The following DNM1 variants were observed in gnomAD, a reference collection of about 807,000 sequenced individuals.
DNM1 encodes the protein dynamin 1.
In DNM1, 29 loss-of-function variants were observed where a neutral mutation model predicts 104.6. The ratio of observed to expected loss-of-function variants is 0.28; its 90% CI spans 0.21 to 0.38. The LOEUF is 0.38. Among genes scored for constraint, DNM1 ranks in the 10% least tolerant of loss-of-function variants. The pLI, the probability that DNM1 is intolerant of heterozygous loss-of-function variation, is 1.00. For synonymous variants in DNM1, 445 were observed against 475.8 expected (o/e 0.94, Z 0.84); for missense variants, 640 against 1,189.4 (o/e 0.54, Z 6.79).
chr9:128,226,653 C>G (rs1374602829), intron 10 of DNM1, among the ~76,000 whole-genome samples: 1 of 152,180 alleles, frequency 6.6e-6, no homozygotes, highest in East Asian at 1.9e-4. Flanking sequence ...GGGGAGCTGT[C>G]CTAGTTCCTC....
chr9:128,220,849 G>A lies in DNM1; in HGVS notation c.849+508G>A, dbSNP rs1026754569. Among the ~76,000 whole-genome samples, 4 of 150,314 alleles carry A rather than the reference G, an allele frequency of 2.7e-5. No individual in the cohort carries two copies. The highest frequency in any genetic ancestry group is 4.9e-5 in the African/African-American group (2 of 40,936). On this transcript the variant is annotated intron_variant, in intron 6 of 21. Transcript: ENST00000372923. This position sits in a 1 kb window ranked among gnomAD's most constrained non-coding sequence, Gnocchi z 5.2. ...ACTCCCCCTCTGAGACACTCTCTCT[G>A]GCTCTCTGAGCCTCTATTTCTTTTT...
intron 1 of DNM1, among the ~76,000 whole-genome samples, chr9:128,211,760 T>G (rs1834315961): frequency 2.0e-5 from 3 of 152,124 alleles, no homozygotes; most frequent in Admixed American, 2.0e-4. Flanking sequence ...TGGGATGCCT[T>G]CTCTGATGAC....
Position 128,246,486 on chromosome 9 carries a change from C to A in DNM1, c.1764C>A (p.Leu588=). 3 of 1,613,986 alleles carry A rather than the reference C, an allele frequency of 1.9e-6. No homozygotes were observed. Among genetic ancestry groups the A allele is most frequent in the Non-Finnish European group, 2.5e-6 (3 of 1,179,910 alleles). The change falls in exon 16 of 22, where the codon CTC becomes CTA. Residue 588 remains leucine (L), a synonymous_variant. Coordinates refer to ENST00000372923, the MANE Select transcript of DNM1 (RefSeq NM_004408.4). ...TGTCGAGCAAGCATATCTTTGCCCT[C>A]TTTAACACGGAGCAGAGGTGCCTGC... is the stretch of plus-strand genomic sequence containing the variant. The part of the protein sequence containing the change: ...GFMSSKHIFA[L]FNTEQRNVYK...
In DNM1 at chr9:128,222,685, C is replaced by T; in HGVS notation, c.1128+89C>T. The T allele has an allele frequency of 6.2e-7, 1 of 1,600,598 alleles. No homozygotes were observed. Among genetic ancestry groups the T allele is most frequent in the African/African-American group, 1.3e-5 (1 of 74,784 alleles). On this transcript the variant is annotated intron_variant, in intron 8 of 21. Coordinates refer to ENST00000372923, the MANE Select transcript of DNM1 (RefSeq NM_004408.4). This position sits in a 1 kb window ranked among gnomAD's most constrained non-coding sequence, Gnocchi z 7.8. ...CTCTGCGTGTGTTTTTGCTGGCCCC[C>T]ACCCCACAGGCCCTGATGCCCAGCC...
chr9:128,231,689 T>G lies in DNM1; in HGVS notation c.1336-2332T>G, dbSNP rs548391883. 8.5e-5 allele frequency among the ~76,000 whole-genome samples: 13 copies of G among 152,344 alleles called. No individual in the cohort carries two copies. In the East Asian group the frequency reaches 1.7e-3, roughly 20 times the overall value. The stretch of plus-strand genomic sequence containing the variant: ...CTCATTACTGCCAGCCCTGCTGGGA[T>G]TAGACTTGCCATCTCTGAGTGAAAT... On this transcript the variant is annotated intron_variant, in intron 10 of 21. Transcript: ENST00000372923.
rs773188318 is a variant in DNM1 at position 128,247,959 on chromosome 9, C to T, written c.1905+24C>T. The T allele has an allele frequency of 2.0e-5, 33 of 1,614,144 alleles. No homozygotes were observed. In the South Asian group the frequency reaches 3.6e-4, roughly 18 times the overall value. On this transcript the variant is annotated intron_variant, in intron 18 of 21. Transcript: ENST00000372923. The surrounding 1 kb of genome is among the most constrained non-coding windows in gnomAD (Gnocchi z 5.1). ...AAGTGAGTGTGCCCTTCTCTTGCCTCCTGCCAGGCATCTGCAGCCTGGCAC... is the reference window on the plus strand; with the variant it reads ...AAGTGAGTGTGCCCTTCTCTTGCCTTCTGCCAGGCATCTGCAGCCTGGCAC...
chr9:128,222,640 C>T lies in DNM1; in HGVS notation c.1128+44C>T, dbSNP rs758369949. ...GGGACAGGATGGCTCAGGACTCCCC[C>T]CACCCTCACTCAGGACTCTCTCTGC... On this transcript the variant is annotated intron_variant, in intron 8 of 21. Transcript: ENST00000372923. The surrounding 1 kb of genome is among the most constrained non-coding windows in gnomAD (Gnocchi z 7.8). 1 of 1,611,068 alleles carries T rather than the reference C, an allele frequency of 6.2e-7. No homozygotes were observed.
chr9:128,249,837 A>G (rs201192986), intron 19 of DNM1, among the ~76,000 whole-genome samples: 20 of 149,192 alleles, frequency 1.3e-4, no homozygotes, highest in Middle Eastern at 3.4e-3. Context: ...GGAAGAAGAA[A>G]AAAAAAAACA....
Position 128,247,461 on chromosome 9 carries a change from C to T in DNM1, c.1868C>T (p.Ala623Val). 1.2e-6 allele frequency: 2 copies of T among 1,613,446 alleles called. No individual in the cohort carries two copies. Among genetic ancestry groups the T allele is most frequent in the South Asian group, 1.1e-5 (1 of 90,998 alleles). The change falls in exon 17 of 22, where the codon GCT (alanine) becomes GTT (valine). Residue 623 changes from alanine (A) to valine (V), a missense_variant. Transcript: ENST00000372923. The surrounding 1 kb of genome is among the most constrained non-coding windows in gnomAD (Gnocchi z 5.1). The part of the protein sequence containing the change: ...VDSWKASFLR[A>V]GVYPERVGDK... Reference sequence around the variant, plus strand: ...AGCTGGAAGGCCTCCTTCCTGAGGGCTGGCGTGTACCCTGAGCGTGTTGGG... The same window carrying T: ...AGCTGGAAGGCCTCCTTCCTGAGGGTTGGCGTGTACCCTGAGCGTGTTGGG...
intron 11 of DNM1, among the ~76,000 whole-genome samples, chr9:128,239,200 GT>G (rs1836204199): frequency 6.6e-6 from 1 of 151,872 alleles, no homozygotes; most frequent in Non-Finnish European, 1.5e-5. Context: ...GTCTCCCTAT[GT>G]TGCCCAGGCT....
At chr9:128,228,628 G>C (rs1225781376) in intron 10 of DNM1, among the ~76,000 whole-genome samples, 1 of 152,194 alleles carries the variant, frequency 6.6e-6, no homozygotes, top group African/African-American at 2.4e-5. Context: ...CAATCGCAGA[G>C]AAAGAAAAGC....
chr9:128,248,095 G>A lies in DNM1; in HGVS notation c.1905+160G>A, dbSNP rs192981214. Reference sequence around the variant, plus strand: ...TGTAAACCCAACACTTTGGGAGGCCGAGGTGGGCGGATCACAAGGTCAGGA... The same window carrying A: ...TGTAAACCCAACACTTTGGGAGGCCAAGGTGGGCGGATCACAAGGTCAGGA... On this transcript the variant is annotated intron_variant, in intron 18 of 21. Transcript: ENST00000372923. The surrounding 1 kb of genome is among the most constrained non-coding windows in gnomAD (Gnocchi z 5.6). 3,873 of 920,358 alleles carry A rather than the reference G, an allele frequency of 4.2e-3. 15 individuals are homozygous for A. Among genetic ancestry groups the A allele is most frequent in the Non-Finnish European group, 5.6e-3 (3,213 of 570,986 alleles). 57.0% of individuals were successfully genotyped at this position (920,358 alleles called of 1,614,324 possible).
At position 128,240,362 on chromosome 9, in the gene DNM1, C is replaced by T. The variant is rs548753624; in HGVS notation, c.1557+366C>T. ...TCGCCTCCGGACTTGAATGAAGAGA[C>T]GAATGAGAAGTCAAGAGAAGTCAAG... is the stretch of plus-strand genomic sequence containing the variant. On this transcript the variant is annotated intron_variant, in intron 14 of 21. Transcript: ENST00000372923. The surrounding 1 kb of genome is among the most constrained non-coding windows in gnomAD (Gnocchi z 5.1). 1.2e-4 allele frequency: 33 copies of T among 273,352 alleles called. No individual in the cohort carries two copies. Among genetic ancestry groups the T allele is most frequent in the East Asian group, 2.9e-4 (3 of 10,264 alleles). The allele number at this position is 273,352 out of a possible 1,614,324, so 16.9% of individuals were successfully genotyped here. A position where few individuals can be genotyped will look rare whatever the true frequency, so the allele number is the denominator to read the frequency against.
At chr9:128,205,253 C>T (rs1833861141) in intron 1 of DNM1, among the ~76,000 whole-genome samples, 1 of 152,152 alleles carries the variant, frequency 6.6e-6, no homozygotes, top group Non-Finnish European at 1.5e-5. Context: ...TCCTACCTCT[C>T]GTCCTTTGAA....
Position 128,254,713 on chromosome 9 carries a change from A to G in DNM1, c.2594A>G (p.Ter865=), listed in dbSNP as rs550838267. 2 of 1,595,784 alleles carry G rather than the reference A, an allele frequency of 1.3e-6. No homozygotes were observed. The highest frequency in any genetic ancestry group is 1.3e-5 in the African/African-American group (1 of 74,804). The change falls in exon 22 of 22, where the codon TAA becomes TGA. Residue 865 remains the stop codon, a stop_retained_variant. Coordinates refer to ENST00000372923, the MANE Select transcript of DNM1 (RefSeq NM_004408.4). This position sits in a 1 kb window ranked among gnomAD's most constrained non-coding sequence, Gnocchi z 6.1. ...PESPRPPFDL[*] ...AGCCCCAGGCCCCCCTTCGACCTCT[A>G]AACAGATCCCTCCTCTTCTCGGAGA...
rs1554773905 is a variant in DNM1, at chr9:128,220,909, C to CTTTCTTTA, written c.849+575_849+576insATTTCTTT. Among the ~76,000 whole-genome samples, 1 of 147,338 alleles carries CTTTCTTTA rather than the reference C, an allele frequency of 6.8e-6. No homozygotes were observed. Among genetic ancestry groups the CTTTCTTTA allele is most frequent in the Non-Finnish European group, 1.5e-5 (1 of 66,476 alleles). On this transcript the variant is annotated intron_variant, in intron 6 of 21. Coordinates refer to ENST00000372923, the MANE Select transcript of DNM1 (RefSeq NM_004408.4). The surrounding 1 kb of genome is among the most constrained non-coding windows in gnomAD (Gnocchi z 5.2). Reference sequence around the variant, plus strand: ...GTTTTCTTTCTTTCTTTCTTTCTTTCTTTCTTTCTTTCTTTCTTTCTTTCT... The same window carrying CTTTCTTTA: ...GTTTTCTTTCTTTCTTTCTTTCTTTCTTTCTTTATTTCTTTCTTTCTTTCTTTCTTTCT...
Position 128,248,789 on chromosome 9 carries a change from G to A in DNM1, c.2076+36G>A, listed in dbSNP as rs1487110794. 4 of 1,597,576 alleles carry A rather than the reference G, an allele frequency of 2.5e-6. No homozygotes were observed. The highest frequency in any genetic ancestry group is 4.5e-5 in the East Asian group (2 of 44,604). On this transcript the variant is annotated intron_variant, in intron 19 of 21. Coordinates refer to ENST00000372923, the MANE Select transcript of DNM1 (RefSeq NM_004408.4). The surrounding 1 kb of genome is among the most constrained non-coding windows in gnomAD (Gnocchi z 5.6). ...CACTGCATGGGGGCAGGGAAATCCT[G>A]TGGCACTGGGGATGCAGGTGGCCAT...
chr9:128,218,792 G>T lies in DNM1; in HGVS notation c.385+61G>T. 1 of 1,514,228 alleles carries T rather than the reference G, an allele frequency of 6.6e-7. No homozygotes were observed. The highest frequency in any genetic ancestry group is 8.9e-7 in the Non-Finnish European group (1 of 1,128,222). The allele number at this position is 1,514,228 out of a possible 1,614,324, so 93.8% of individuals were successfully genotyped here. A position where few individuals can be genotyped will look rare whatever the true frequency, so the allele number is the denominator to read the frequency against. On this transcript the variant is annotated intron_variant, in intron 3 of 21. Transcript: ENST00000372923. This position sits in a 1 kb window ranked among gnomAD's most constrained non-coding sequence, Gnocchi z 4.8. ...CATTTTCTTGGCCACGCACCTCTGC[G>T]TGCCTCGCTCCTCCTGCAGACTCCG...
In DNM1 at chr9:128,220,054, T is replaced by C; in HGVS notation, c.656T>C (p.Val219Ala). 1 of 1,611,554 alleles carries C rather than the reference T, an allele frequency of 6.2e-7. No individual in the cohort carries two copies. Among genetic ancestry groups the C allele is most frequent in the Non-Finnish European group, 8.5e-7 (1 of 1,178,646 alleles). Residue 219 changes from valine (V) to alanine (A), a missense_variant, in exon 5 of 22, where the codon GTG (valine) becomes GCG (alanine). This residue lies in a region of DNM1 where 172 missense variants were observed against 335.3 expected (regional missense o/e 0.51). Transcript: ENST00000372923. This position sits in a 1 kb window ranked among gnomAD's most constrained non-coding sequence, Gnocchi z 5.2. ...GACGAGGGCACAGATGCCCGTGATGTGCTGGAGAACAAGCTGCTCCCCCTG... is the reference window on the plus strand; with the variant it reads ...GACGAGGGCACAGATGCCCGTGATGCGCTGGAGAACAAGCTGCTCCCCCTG... ...LMDEGTDARD[V>A]LENKLLPLRR...
Sources: gnomAD v4.1 joint callset for allele counts (sites outside exome capture counted in the v4.1 genomes callset) on GRCh38, gnomAD v4.1.1 for gene constraint, gnomAD v4.1.1 regional missense constraint, Gnocchi (gnomAD v3.1) non-coding constraint, MANE v1.5 for transcripts, NCBI Gene and HGNC (gene_info 2026-07-23, HGNC 2026-07-21) for gene names.